GMPS: variants seen among roughly 807,000 people sequenced by gnomAD.
GMPS encodes the protein GMP synthase [glutamine-hydrolyzing].
Under a neutral mutation model 77.9 loss-of-function variants are expected in GMPS, and 15 were observed. That is an observed-to-expected ratio of 0.19 (90% CI 0.13 to 0.30). GMPS has a LOEUF of 0.30. Among genes scored for constraint, GMPS ranks in the 10% least tolerant of loss-of-function variants. The pLI, the probability that GMPS is intolerant of heterozygous loss-of-function variation, is 1.00. For missense variants in GMPS, 590 were observed against 838.8 expected (o/e 0.70, Z 3.66); for synonymous variants, 224 against 275.9 (o/e 0.81, Z 1.86).
chr3:155,882,912 T>C (rs1218591704), intron 1 of GMPS, among the ~76,000 whole-genome samples: 1 of 152,216 alleles, frequency 6.6e-6, no homozygotes, highest in Non-Finnish European at 1.5e-5. Flanking sequence ...TATTCATTAT[T>C]TCCAATGGTG....
chr3:155,893,386 T>C (rs1754521224), intron 1 of GMPS, 132 bp from the exon 2 acceptor site: 2 of 595,172 alleles, frequency 3.4e-6, no homozygotes, highest in East Asian at 2.9e-5. Context: ...GTATTTTGAA[T>C]TGGTAACTCA....
Position 155,892,458 on chromosome 3 carries a change from TAC to T in GMPS, c.28-1057_28-1056del, listed in dbSNP as rs922716373. On this transcript the variant is annotated intron_variant, in intron 1 of 15. Coordinates refer to ENST00000496455, the MANE Select transcript of GMPS (RefSeq NM_003875.3). Reference sequence around the variant, plus strand: ...TATCACCCAACTTCAGTGATTTCAGTACACGGGCAGTCTTGTTTCATCCATAG... The same window carrying T: ...TATCACCCAACTTCAGTGATTTCAGTACGGGCAGTCTTGTTTCATCCATAG... Among the ~76,000 whole-genome samples, 10 of 152,314 alleles carry T rather than the reference TAC, an allele frequency of 6.6e-5. 1 individual carries two copies. In the East Asian group the frequency reaches 1.9e-3, roughly 29 times the overall value.
chr3:155,905,646 T>C (rs1279414383), intron 4 of GMPS, among the ~76,000 whole-genome samples: 1 of 152,190 alleles, frequency 6.6e-6, no homozygotes, highest in Non-Finnish European at 1.5e-5. Context: ...TCTTTTGATT[T>C]TGTATCTCCC....
intron 1 of GMPS, among the ~76,000 whole-genome samples, chr3:155,872,120 A>G (rs540834433): frequency 6.6e-6 from 1 of 152,318 alleles, no homozygotes; most frequent in South Asian, 2.1e-4. Context: ...TCTACGTCAG[A>G]TAGTAGTGCC....
At chr3:155,910,071 T>C (rs899204031) in intron 5 of GMPS, among the ~76,000 whole-genome samples, 5 of 150,208 alleles carry the variant, frequency 3.3e-5, no homozygotes, top group South Asian at 2.1e-4. Flanking sequence ...GGTGAAACCC[T>C]GTCTCTACTA....
rs778506808 is a variant in GMPS at position 155,914,588 on chromosome 3, A to G, written c.1038+18A>G. The G allele has an allele frequency of 1.3e-6, 2 of 1,490,104 alleles. No individual in the cohort carries two copies. Among genetic ancestry groups the G allele is most frequent in the South Asian group, 2.6e-5 (2 of 77,622 alleles). The allele number at this position is 1,490,104 out of a possible 1,614,324, so 92.3% of individuals were successfully genotyped here. A position where few individuals can be genotyped will look rare whatever the true frequency, so the allele number is the denominator to read the frequency against. On this transcript the variant is annotated intron_variant, in intron 8 of 15. Transcript: ENST00000496455. ...TTGTTAAGGTACCTTTGTTTTTAATATCCTCAACATGTACTATTTTTGATG... is the reference window on the plus strand; with the variant it reads ...TTGTTAAGGTACCTTTGTTTTTAATGTCCTCAACATGTACTATTTTTGATG...
At chr3:155,928,744 A>C (rs1465464401) in intron 12 of GMPS, among the ~76,000 whole-genome samples, 2 of 128,320 alleles carry the variant, frequency 1.6e-5, no homozygotes, top group East Asian at 2.4e-4. Context: ...TGTCCATGTG[A>C]TCTCATTGTT....
At chr3:155,912,118 A>G (rs1755055508) in intron 7 of GMPS, among the ~76,000 whole-genome samples, 1 of 152,250 alleles carries the variant, frequency 6.6e-6, no homozygotes, top group Admixed American at 6.5e-5. Context: ...TTAATGATAA[A>G]AGTTATTGTA....
chr3:155,872,118 A>G (rs572990905), intron 1 of GMPS, among the ~76,000 whole-genome samples: 1 of 152,338 alleles, frequency 6.6e-6, no homozygotes, highest in South Asian at 2.1e-4. Context: ...GCTCTACGTC[A>G]GATAGTAGTG....
At chr3:155,913,273 C>T (rs1389371970) in intron 7 of GMPS, among the ~76,000 whole-genome samples, 1 of 152,138 alleles carries the variant, frequency 6.6e-6, no homozygotes, top group African/African-American at 2.4e-5. Flanking sequence ...CGGTGAAGGC[C>T]TCCAGTAGCT....
At chr3:155,897,822 A>G in intron 2 of GMPS, 105 bp from the exon 3 acceptor site, 1 of 659,752 alleles carries the variant, frequency 1.5e-6, no homozygotes. Flanking sequence ...AAACAACGCA[A>G]TTTCTGGATC....
Position 155,936,469 on chromosome 3 carries a change from A to G in GMPS, c.1939A>G (p.Thr647Ala). Residue 647 changes from threonine to alanine, a missense_variant, in exon 15 of 16, where the codon ACT (threonine) becomes GCT (alanine). Coordinates refer to ENST00000496455, the MANE Select transcript of GMPS (RefSeq NM_003875.3). Reference protein sequence around the residue: ...IRTFITSDFMTGIPATPGNEI... With the variant: ...IRTFITSDFMAGIPATPGNEI... Reference sequence around the variant, plus strand: ...AACCTTTATTACTAGTGACTTCATGACTGGTATACCTGCAACACCTGGCAA... The same window carrying G: ...AACCTTTATTACTAGTGACTTCATGGCTGGTATACCTGCAACACCTGGCAA... 1 of 1,608,406 alleles carries G rather than the reference A, an allele frequency of 6.2e-7. No homozygotes were observed. Among genetic ancestry groups the G allele is most frequent in the Admixed American group, 1.7e-5 (1 of 60,014 alleles).
intron 10 of GMPS, among the ~76,000 whole-genome samples, chr3:155,920,817 A>G (rs989876676): frequency 6.6e-6 from 1 of 152,226 alleles, no homozygotes; most frequent in Non-Finnish European, 1.5e-5. Flanking sequence ...TAGGGAATTA[A>G]TTGGACATAG....
At chr3:155,898,524 T>G (rs542202454) in intron 3 of GMPS, among the ~76,000 whole-genome samples, 1 of 152,368 alleles carries the variant, frequency 6.6e-6, no homozygotes, top group African/African-American at 2.4e-5. Flanking sequence ...CCTTCACATT[T>G]CACAGTTTGT....
At chr3:155,882,608 A>C (rs958375959) in intron 1 of GMPS, among the ~76,000 whole-genome samples, 14 of 152,368 alleles carry the variant, frequency 9.2e-5, no homozygotes, top group Non-Finnish European at 1.3e-4. Context: ...TACTTTTGTA[A>C]AATACAGTAA....
chr3:155,928,782 C>T (rs373549544), intron 12 of GMPS, among the ~76,000 whole-genome samples: 14 of 145,368 alleles, frequency 9.6e-5, no homozygotes, highest in South Asian at 4.5e-4. Context: ...TGAGAATATG[C>T]GGTGTTTGGT....
chr3:155,923,987 T>C (rs1169749202), intron 11 of GMPS, among the ~76,000 whole-genome samples: 3 of 152,198 alleles, frequency 2.0e-5, no homozygotes, highest in Admixed American at 6.5e-5. Context: ...TTTAAGCGAT[T>C]CTCCTGCCTC....
At chr3:155,913,664 A>G (rs1265510757) in intron 7 of GMPS, among the ~76,000 whole-genome samples, 2 of 151,738 alleles carry the variant, frequency 1.3e-5, no homozygotes, top group African/African-American at 4.8e-5. Flanking sequence ...GGGATTGCAG[A>G]CATGTGCCAC....
intron 1 of GMPS, among the ~76,000 whole-genome samples, chr3:155,881,164 GTTTTTT>G (rs11334499): frequency 1.9e-5 from 1 of 52,928 alleles, no homozygotes; most frequent in South Asian, 7.5e-4. Flanking sequence ...TTTGATATTA[GTTTTTT>G]TTTTTTTTTT....
Sources: gnomAD v4.1 joint callset for allele counts (sites outside exome capture counted in the v4.1 genomes callset) on GRCh38, gnomAD v4.1.1 for gene constraint, MANE v1.5 for transcripts, NCBI Gene and HGNC (gene_info 2026-07-23, HGNC 2026-07-21) for gene names.